POLR3G: variants seen among roughly 807,000 people sequenced by gnomAD.
The protein encoded by POLR3G is DNA-directed RNA polymerase III subunit RPC7.
POLR3G carries 28 observed loss-of-function variants against 30.1 expected under a neutral mutation model. That is an observed-to-expected ratio of 0.93 (90% confidence interval 0.69 to 1.27). POLR3G has a LOEUF of 1.27. Ranked by LOEUF, POLR3G falls within the 50% of genes most tolerant of loss-of-function variation. The pLI is 0.00. For missense variants in POLR3G, 254 were observed against 264.6 expected, an observed-to-expected ratio of 0.96 and a Z score of 0.28; for synonymous variants, 79 against 82.5, an observed-to-expected ratio of 0.96 and a Z score of 0.23.
intron 1 of POLR3G, among the ~76,000 whole-genome samples, 172 bp from the exon 2 acceptor site, chr5:90,485,353 G>A (rs1259534616): frequency 6.6e-6 from 1 of 152,194 alleles, no homozygotes; most frequent in Admixed American, 6.5e-5. Flanking sequence ...CCAGAGGTGT[G>A]TGAGTGTGAG....
upstream of POLR3G, chr5:90,474,178 C>T (rs1750647511): frequency 6.2e-7 from 1 of 1,605,414 alleles, no homozygotes; most frequent in Non-Finnish European, 8.5e-7. Context: ...ACGTCCTGCT[C>T]GGAGCCGCGC....
chr5:90,495,288 T>C (rs1340215496), intron 3 of POLR3G, among the ~76,000 whole-genome samples: 1 of 152,292 alleles, frequency 6.6e-6, no homozygotes. Flanking sequence ...TTTTGTGTGA[T>C]AGTGTTGCTT....
intron 4 of POLR3G, among the ~76,000 whole-genome samples, chr5:90,496,334 A>G (rs1480215496): frequency 6.6e-6 from 1 of 152,238 alleles, no homozygotes; most frequent in Non-Finnish European, 1.5e-5. Context: ...CAATTTAATT[A>G]GCCACAATCA....
At chr5:90,493,049 A>G (rs1448375823) in intron 3 of POLR3G, among the ~76,000 whole-genome samples, 3 of 152,224 alleles carry the variant, frequency 2.0e-5, no homozygotes, top group South Asian at 2.1e-4. Context: ...AGAACCTATT[A>G]AAGATGTCTT....
intron 2 of POLR3G, 152 bp downstream of exon 2, chr5:90,485,836 T>C (rs185451720): frequency 3.6e-6 from 2 of 558,330 alleles, no homozygotes; most frequent in Admixed American, 7.1e-5. Flanking sequence ...AATATTTTCA[T>C]GATCTGCTTT....
At position 90,514,546 on chromosome 5, in the gene POLR3G, C is replaced by T. The variant is rs747634291; in HGVS notation, c.*2407C>T. 1 of 152,160 alleles carries T rather than the reference C, an allele frequency of 6.6e-6. No individual in the cohort carries two copies. Among genetic ancestry groups the T allele is most frequent in the Non-Finnish European group, 1.5e-5 (1 of 68,032 alleles). The allele number at this position is 152,160 out of a possible 1,614,324, so 9.4% of individuals were successfully genotyped here. On this transcript the variant is annotated 3_prime_UTR_variant, in exon 8 of 8. Coordinates refer to ENST00000651687, the MANE Select transcript of POLR3G (RefSeq NM_006467.3). ...AATATTCTTGAATAAACAATCACCACAAACAACAAAACTCTGGTTAATGAT... is the reference window on the plus strand; with the variant it reads ...AATATTCTTGAATAAACAATCACCATAAACAACAAAACTCTGGTTAATGAT...
chr5:90,474,287 C>T (rs757492253), upstream of POLR3G: 1 of 1,612,820 alleles, frequency 6.2e-7, no homozygotes, highest in Non-Finnish European at 8.5e-7. Context: ...ACTCGAGCGC[C>T]GACATGCTGG....
intron 1 of POLR3G, among the ~76,000 whole-genome samples, chr5:90,480,535 T>C (rs1751073491): frequency 6.6e-6 from 1 of 152,132 alleles, no homozygotes; most frequent in Non-Finnish European, 1.5e-5. Flanking sequence ...CAATAGAGTT[T>C]GTTATTTTTC....
upstream of POLR3G, chr5:90,474,700 C>T: frequency 4.5e-6 from 1 of 223,690 alleles, no homozygotes; most frequent in Non-Finnish European, 8.9e-6. Context: ...GAGCTAGAAC[C>T]GCCCACCCAC....
intron 6 of POLR3G, 150 bp from the exon 7 acceptor site, chr5:90,506,378 A>G: frequency 9.4e-7 from 1 of 1,063,642 alleles, no homozygotes; most frequent in Non-Finnish European, 1.3e-6. Context: ...TTCTTTCTTG[A>G]GTTGACTCAT....
rs1490369767 is a variant in POLR3G, at chr5:90,508,689, C to T, written c.585+2015C>T. 4.6e-5 allele frequency among the ~76,000 whole-genome samples: 7 copies of T among 151,956 alleles called. No individual in the cohort carries two copies. The South Asian group carries it at 6.2e-4, about 13-fold the overall frequency. On this transcript the variant is annotated intron_variant, in intron 7 of 7. Coordinates refer to ENST00000651687, the MANE Select transcript of POLR3G (RefSeq NM_006467.3). ...TTAAAGAAAGAAATTATTGCTACCA[C>T]GCTCACCATAGACAAATTTTAGCCT... is the stretch of plus-strand genomic sequence containing the variant.
At chr5:90,485,475 G>A (rs1417461749) in intron 1 of POLR3G, 50 bp from the exon 2 acceptor site, 5 of 915,966 alleles carry the variant, frequency 5.5e-6, no homozygotes, top group South Asian at 3.2e-5. Flanking sequence ...TTGCTTTAAA[G>A]TGTTGATTTC....
Position 90,514,444 on chromosome 5 carries a change from ATGTTTATT to A in POLR3G, c.*2310_*2317del, listed in dbSNP as rs1752874494. 6.9e-6 allele frequency: 1 copy of A among 145,902 alleles called. No homozygotes were observed. The highest frequency in any genetic ancestry group is 2.3e-4 in the South Asian group (1 of 4,442). The allele number at this position is 145,902 out of a possible 1,614,324, so 9.0% of individuals were successfully genotyped here. A position where few individuals can be genotyped will look rare whatever the true frequency, so the allele number is the denominator to read the frequency against. On this transcript the variant is annotated 3_prime_UTR_variant, in exon 8 of 8. Coordinates refer to ENST00000651687, the MANE Select transcript of POLR3G (RefSeq NM_006467.3). The stretch of plus-strand genomic sequence containing the variant: ...GATGTTTTATTTTGAACTTATTTAA[ATGTTTATT>A]TGTTAGAGAAAACTAATTTGTTAAT...
chr5:90,487,293 C>A (rs1369936500), intron 2 of POLR3G, among the ~76,000 whole-genome samples: 1 of 149,980 alleles, frequency 6.7e-6, no homozygotes, highest in Admixed American at 6.6e-5. Flanking sequence ...TCCAATAATA[C>A]CACCACTAGC....
intron 6 of POLR3G, among the ~76,000 whole-genome samples, chr5:90,503,131 T>C (rs115304830): frequency 0.017 from 2,594 of 152,320 alleles, 80 homozygotes; most frequent in African/African-American, 0.06. Context: ...TAACACTTTA[T>C]TGAAACTTAT....
Position 90,485,027 on chromosome 5 carries a change from A to G in POLR3G, c.-43-498A>G, listed in dbSNP as rs966423916. Among the ~76,000 whole-genome samples, 4 of 152,112 alleles carry G rather than the reference A, an allele frequency of 2.6e-5. No homozygotes were observed. The South Asian group carries it at 8.3e-4, about 31-fold the overall frequency. ...TCTCTGAATTTTTTTTTTCTTGGAC[A>G]GGCATCTTTCGAGTCTCATTGATCC... On this transcript the variant is annotated intron_variant, in intron 1 of 7. Transcript: ENST00000651687.
intron 2 of POLR3G, 128 bp from the exon 3 acceptor site, chr5:90,487,872 G>A (rs1751525964): frequency 1.5e-6 from 1 of 651,612 alleles, no homozygotes; most frequent in Non-Finnish European, 2.3e-6. Context: ...CTTTTAAGTT[G>A]GTTGTAAAAC....
At chr5:90,488,740 A>T (rs1231249181) in intron 3 of POLR3G, among the ~76,000 whole-genome samples, 2 of 152,184 alleles carry the variant, frequency 1.3e-5, no homozygotes, top group East Asian at 1.9e-4. Context: ...GGTTAAAAAA[A>T]TTTTTGAGAC....
chr5:90,506,505 T>C, intron 6 of POLR3G, 23 bp from the exon 7 acceptor site: 2 of 1,606,828 alleles, frequency 1.2e-6, no homozygotes, highest in Non-Finnish European at 1.7e-6. Flanking sequence ...TCCATACAAA[T>C]TAATGAAACT....
Sources: allele counts gnomAD v4.1 joint callset (sites outside exome capture counted in the v4.1 genomes callset), GRCh38; gene constraint gnomAD v4.1.1; transcripts MANE v1.5; gene names NCBI Gene and HGNC (gene_info 2026-07-23, HGNC 2026-07-21).